The following PPEF1 variants were observed in gnomAD, a reference collection of about 807,000 sequenced individuals.
PPEF1 encodes the protein protein phosphatase with EF-hand domain 1, also known as serine/threonine-protein phosphatase with EF-hands 1.
Under a neutral mutation model 53.3 loss-of-function variants are expected in PPEF1, and 12 were observed. The ratio of observed to expected loss-of-function variants is 0.23; its 90% confidence interval spans 0.14 to 0.36. The LOEUF is 0.36. Ranked by LOEUF, PPEF1 falls within the 10% of genes least tolerant of loss-of-function variation. PPEF1 has a pLI of 1.00. For missense variants in PPEF1, 334 were observed against 490.4 expected, an observed-to-expected ratio of 0.68 and a Z score of 3.01; for synonymous variants, 165 against 176.7, an observed-to-expected ratio of 0.93 and a Z score of 0.52.
At chrX:18,693,723 C>T (rs372208356) in intron 4 of PPEF1, among the ~76,000 whole-genome samples, 2 of 111,698 alleles carry the variant, frequency 1.8e-5, no homozygotes, top group Non-Finnish European at 3.8e-5. Context: ...CCTGCCACCA[C>T]GCCTGGCTAA....
chrX:18,714,094 A>G (rs1388508916), intron 1 of PPEF1, among the ~76,000 whole-genome samples: 1 of 111,182 alleles, frequency 9.0e-6, no homozygotes, highest in Non-Finnish European at 1.9e-5. Context: ...AAAGCTCTTG[A>G]TAGAAAATGA....
In PPEF1 at chrX:18,762,561, T is replaced by G. The variant is rs189880675; in HGVS notation, c.558+985T>G. Among the ~76,000 whole-genome samples the G allele has an allele frequency of 2.7e-5, 3 of 111,494 alleles. No homozygotes were observed. The Admixed American group carries it at 2.8e-4, about 11-fold the overall frequency. On this transcript the variant is annotated intron_variant, in intron 6 of 15. Coordinates refer to ENST00000470157, the MANE Select transcript of PPEF1 (RefSeq NM_001377996.1). ...AGTAAAAGAATAAAAGAATGGCTAC[T>G]CCATAGACAGAGCATCCCCAAGGGC...
chrX:18,694,317 G>A (rs1049161553), intron 4 of PPEF1, among the ~76,000 whole-genome samples: 4 of 111,411 alleles, frequency 3.6e-5, no homozygotes, highest in Admixed American at 9.5e-5. Flanking sequence ...GATTGCTGTC[G>A]TATGGTAAGT....
In PPEF1 at chrX:18,757,754, G is replaced by A. The variant is rs1158368491; in HGVS notation, c.511+13G>A. On this transcript the variant is annotated intron_variant, in intron 5 of 15. Transcript: ENST00000470157. Reference sequence around the variant, plus strand: ...GTAACAATCTGTGGTAAGTTTCAGAGCAGAGTTGTCCAATTAATATTTAGG... The same window carrying A: ...GTAACAATCTGTGGTAAGTTTCAGAACAGAGTTGTCCAATTAATATTTAGG... 8.7e-7 allele frequency: 1 copy of A among 1,151,430 alleles called. No homozygotes were observed. 94.9% of individuals were successfully genotyped at this position (1,151,430 alleles called of 1,213,427 possible).
chrX:18,766,099 G>GA (rs1168459182), intron 6 of PPEF1, among the ~76,000 whole-genome samples: 1 of 106,110 alleles, frequency 9.4e-6, no homozygotes, highest in Non-Finnish European at 1.9e-5. Flanking sequence ...AAAGAAAAAA[G>GA]AAAAAAAGAA....
chrX:18,780,620 A>G (rs866191136), intron 7 of PPEF1, among the ~76,000 whole-genome samples: 1 of 111,739 alleles, frequency 8.9e-6, no homozygotes, highest in African/African-American at 3.3e-5. Context: ...TCAATTAGGA[A>G]GTAGTTGAAG....
intron 12 of PPEF1, among the ~76,000 whole-genome samples, chrX:18,810,982 A>G (rs1338176396): frequency 1.8e-5 from 2 of 112,634 alleles, no homozygotes; most frequent in Non-Finnish European, 3.7e-5. Flanking sequence ...CCAGTTTACC[A>G]TTTCCACCAT....
intron 5 of PPEF1, among the ~76,000 whole-genome samples, chrX:18,758,597 G>A (rs2045597001): frequency 9.0e-6 from 1 of 111,149 alleles, no homozygotes; most frequent in Non-Finnish European, 1.9e-5. Flanking sequence ...AGTCTCTAAT[G>A]GTTCATTTCC....
intron 7 of PPEF1, among the ~76,000 whole-genome samples, chrX:18,780,439 C>T (rs1208253755): frequency 8.9e-6 from 1 of 112,243 alleles, no homozygotes; most frequent in African/African-American, 3.2e-5. Context: ...GACTGAGGGA[C>T]AGGGTGGTGC....
chrX:18,791,550 C>G (rs2046324144), intron 10 of PPEF1, among the ~76,000 whole-genome samples: 1 of 111,998 alleles, frequency 8.9e-6, no homozygotes, highest in Non-Finnish European at 1.9e-5. Flanking sequence ...GTGTTGTGAA[C>G]TTTGATAAAC....
intron 3 of PPEF1, among the ~76,000 whole-genome samples, chrX:18,734,734 C>T (rs193069568): frequency 2.5e-4 from 28 of 111,660 alleles, no homozygotes; most frequent in African/African-American, 9.1e-4. Flanking sequence ...AACTAGTTTA[C>T]AGTCCCACCA....
At chrX:18,826,913 G>A (rs985656839) in intron 15 of PPEF1, among the ~76,000 whole-genome samples, 5 of 109,999 alleles carry the variant, frequency 4.5e-5, no homozygotes, top group Middle Eastern at 4.7e-3. Context: ...GACTCCCACC[G>A]TATCTTCTCC....
intron 6 of PPEF1, among the ~76,000 whole-genome samples, chrX:18,764,566 G>A (rs2045729907): frequency 9.0e-6 from 1 of 111,633 alleles, no homozygotes; most frequent in African/African-American, 3.3e-5. Context: ...GATTCTACTG[G>A]CCCCACTGGA....
chrX:18,761,674 C>T, intron 6 of PPEF1, 98 bp downstream of exon 6: 1 of 586,571 alleles, frequency 1.7e-6, no homozygotes. Flanking sequence ...TGTACTAATA[C>T]AGATATAATG....
chrX:18,718,155 A>G (rs1349197721), intron 1 of PPEF1, among the ~76,000 whole-genome samples: 1 of 112,159 alleles, frequency 8.9e-6, no homozygotes, highest in African/African-American at 3.2e-5. Context: ...CTTTACACCA[A>G]TTAAATACAT....
chrX:18,697,656 A>G (rs1235362275), intron 4 of PPEF1, among the ~76,000 whole-genome samples: 1 of 111,027 alleles, frequency 9.0e-6, no homozygotes, highest in Non-Finnish European at 1.9e-5. Flanking sequence ...TGTAATAGAT[A>G]TTTATTATGT....
intron 4 of PPEF1, among the ~76,000 whole-genome samples, chrX:18,695,843 A>G (rs1929685594): frequency 1.8e-5 from 2 of 112,013 alleles, no homozygotes; most frequent in African/African-American, 6.5e-5. Context: ...CCACCTTAAA[A>G]CGTGATGGCT....
chrX:18,715,516 A>G (rs1440016335), intron 1 of PPEF1, among the ~76,000 whole-genome samples: 1 of 111,634 alleles, frequency 9.0e-6, no homozygotes, highest in Non-Finnish European at 1.9e-5. Flanking sequence ...CCTGGGCAAC[A>G]GAGTGAGACT....
chrX:18,690,393 G>A (rs1331591406), intron 3 of PPEF1, among the ~76,000 whole-genome samples: 1 of 97,630 alleles, frequency 1.0e-5, no homozygotes, highest in Admixed American at 1.2e-4. Flanking sequence ...GGGGGCAGGC[G>A]TGGAACAGAG....
Sources: gnomAD v4.1 joint callset for allele counts (sites outside exome capture counted in the v4.1 genomes callset) on GRCh38, gnomAD v4.1.1 for gene constraint, MANE v1.5 for transcripts, NCBI Gene and HGNC (gene_info 2026-07-23, HGNC 2026-07-21) for gene names.